The following EPHA4 variants were observed in gnomAD, a reference collection of about 807,000 sequenced individuals.
EPHA4 encodes ephrin type-A receptor 4.
In EPHA4, 19 loss-of-function variants were observed where a neutral mutation model predicts 108.3. The observed-to-expected ratio is 0.18, with a 90% CI of 0.12 to 0.26. The LOEUF (loss-of-function observed/expected upper bound fraction) is 0.26, where lower values mean the gene tolerates loss of function less well. Among genes scored for constraint, EPHA4 ranks in the 10% least tolerant of loss-of-function variants. The pLI, the probability that EPHA4 is intolerant of heterozygous loss-of-function variation, is 1.00. For missense variants in EPHA4, 917 were observed against 1,254.0 expected, an observed-to-expected ratio of 0.73 and a Z score of 4.06; for synonymous variants, 449 against 455.5, an observed-to-expected ratio of 0.99 and a Z score of 0.18.
chr2:221,489,055 G>A (rs1459296878), intron 4 of EPHA4, among the ~76,000 whole-genome samples: 11 of 152,110 alleles, frequency 7.2e-5, no homozygotes, highest in South Asian at 4.1e-4. Context: ...TTTAAAAGCC[G>A]TCAGCCAACA....
chr2:221,454,913 A>C (rs947763875), intron 8 of EPHA4, among the ~76,000 whole-genome samples: 1 of 152,242 alleles, frequency 6.6e-6, no homozygotes. Context: ...TGCTCAAGGG[A>C]TAATCTCTAG....
intron 8 of EPHA4, among the ~76,000 whole-genome samples, chr2:221,449,089 T>C (rs1690687898): frequency 1.3e-5 from 2 of 152,268 alleles, no homozygotes; most frequent in East Asian, 3.9e-4. Flanking sequence ...TGGAGTGTTA[T>C]TTGGAGGAGA....
rs1460178859 is a variant in EPHA4 at position 221,438,595 on chromosome 2, C to T, written c.2075-1473G>A. ...TTGAGGCAAGGGGTTTGAGACCAGC[C>T]TAGCCAACATGGTGAAACCTCGTGT... On this transcript the variant is annotated intron_variant, in intron 11 of 17. Coordinates refer to ENST00000281821, the MANE Select transcript of EPHA4 (RefSeq NM_004438.5). Among the ~76,000 whole-genome samples the T allele has an allele frequency of 2.0e-5, 3 of 152,100 alleles. No homozygotes were observed. In the East Asian group the frequency reaches 5.8e-4, roughly 29 times the overall value.
chr2:221,473,225 G>T (rs1691545546), intron 5 of EPHA4, among the ~76,000 whole-genome samples: 1 of 152,048 alleles, frequency 6.6e-6, no homozygotes, highest in South Asian at 2.1e-4. Flanking sequence ...GGTGGCGGGT[G>T]GAAAGGTGGA....
chr2:221,455,707 G>A (rs2288627), intron 7 of EPHA4, 49 bp from the exon 8 acceptor site: 1,032,365 of 1,397,942 alleles, frequency 0.74, 382,237 homozygotes, highest in East Asian at 0.78. Context: ...GTCTTAGGAG[G>A]TAGAACTTCT....
intron 9 of EPHA4, among the ~76,000 whole-genome samples, chr2:221,444,550 T>C (rs1457304986): frequency 6.6e-6 from 1 of 152,102 alleles, no homozygotes; most frequent in Non-Finnish European, 1.5e-5. Context: ...TCTTGCTACT[T>C]CTTTTTAATA....
Position 221,481,094 on chromosome 2 carries a change from C to T in EPHA4, c.1318+1258G>A, listed in dbSNP as rs531403733. 6.4e-4 allele frequency among the ~76,000 whole-genome samples: 98 copies of T among 152,154 alleles called. 1 individual carries two copies. The highest frequency in any genetic ancestry group is 9.7e-4 in the Non-Finnish European group (66 of 67,982). On this transcript the variant is annotated intron_variant, in intron 5 of 17. Transcript: ENST00000281821. The stretch of plus-strand genomic sequence containing the variant: ...TCTAACTCTCCAGAAATAAAAAAGC[C>T]GGCAATGTAAAACTCCTGGAGGGGT...
chr2:221,530,845 G>A (rs145284875), intron 3 of EPHA4, among the ~76,000 whole-genome samples: 303 of 152,170 alleles, frequency 2.0e-3, no homozygotes, highest in African/African-American at 6.6e-3. Context: ...AGCCCAGATC[G>A]TACTCCTCCA....
At chr2:221,453,222 A>G (rs1690839183) in intron 8 of EPHA4, among the ~76,000 whole-genome samples, 1 of 152,224 alleles carries the variant, frequency 6.6e-6, no homozygotes, top group East Asian at 1.9e-4. Flanking sequence ...TTTTTATCAA[A>G]TATTTTTAGA....
chr2:221,464,119 A>C (rs560420598), intron 5 of EPHA4, among the ~76,000 whole-genome samples: 1 of 152,332 alleles, frequency 6.6e-6, no homozygotes, highest in East Asian at 1.9e-4. Context: ...CAGTGTTTGC[A>C]GGAGAGATGG....
chr2:221,456,046 G>A (rs973308445), intron 7 of EPHA4, among the ~76,000 whole-genome samples: 2 of 151,780 alleles, frequency 1.3e-5, no homozygotes, highest in African/African-American at 4.8e-5. Flanking sequence ...ATTGATTACC[G>A]GGATGGAGGT....
At chr2:221,528,730 C>T (rs186681795) in intron 3 of EPHA4, among the ~76,000 whole-genome samples, 1 of 152,262 alleles carries the variant, frequency 6.6e-6, no homozygotes, top group Non-Finnish European at 1.5e-5. Context: ...GTGCTGCTTC[C>T]CTGACACCAT....
At chr2:221,433,999 G>T in intron 14 of EPHA4, 143 bp downstream of exon 14, 1 of 741,174 alleles carries the variant, frequency 1.3e-6, no homozygotes, top group Non-Finnish European at 2.1e-6. Flanking sequence ...TTGTAATGTT[G>T]AACTAGCTTG....
At chr2:221,503,457 C>CTTCAAT (rs1692540674) in intron 3 of EPHA4, among the ~76,000 whole-genome samples, 1 of 152,128 alleles carries the variant, frequency 6.6e-6, no homozygotes, top group Admixed American at 6.6e-5. Context: ...AAAATGTTGC[C>CTTCAAT]TTCAATTTCA....
chr2:221,518,002 T>C (rs528822977), intron 3 of EPHA4, among the ~76,000 whole-genome samples: 11 of 152,320 alleles, frequency 7.2e-5, no homozygotes, highest in Non-Finnish European at 1.5e-4. Context: ...AAGTGAGTTA[T>C]GAGGTTTCAG....
intron 2 of EPHA4, among the ~76,000 whole-genome samples, chr2:221,564,886 T>TG (rs1361470964): frequency 2.0e-5 from 1 of 50,062 alleles, no homozygotes; most frequent in Non-Finnish European, 3.4e-5. Context: ...CTCTAATACC[T>TG]CAAAAAAAAA....
chr2:221,476,329 CCTGT>C (rs550155551), intron 5 of EPHA4, among the ~76,000 whole-genome samples: 22 of 152,314 alleles, frequency 1.4e-4, no homozygotes, highest in African/African-American at 5.3e-4. Context: ...ACTGTCACAA[CCTGT>C]CTTTCAACAC....
intron 5 of EPHA4, among the ~76,000 whole-genome samples, chr2:221,474,199 A>G (rs537132834): frequency 6.6e-6 from 1 of 151,230 alleles, no homozygotes; most frequent in Non-Finnish European, 1.5e-5. Context: ...GCAGGCTTTT[A>G]TTTTTTTTTC....
At chr2:221,568,222 A>C (rs1009163975) in intron 2 of EPHA4, among the ~76,000 whole-genome samples, 1 of 152,358 alleles carries the variant, frequency 6.6e-6, no homozygotes, top group Non-Finnish European at 1.5e-5. Flanking sequence ...CTCAGTGTGC[A>C]AAAGAACAGC....
Sources: allele counts gnomAD v4.1 joint callset (sites outside exome capture counted in the v4.1 genomes callset), GRCh38; gene constraint gnomAD v4.1.1; transcripts MANE v1.5; gene names NCBI Gene and HGNC (gene_info 2026-07-23, HGNC 2026-07-21).